The following ASCL5 variants were observed in gnomAD, a reference collection of about 807,000 sequenced individuals.
The protein encoded by ASCL5 is achaete-scute family bHLH transcription factor 5, also known as achaete-scute homolog 5.
For synonymous variants in ASCL5, 124 were observed against 131.5 expected (o/e 0.94, Z 0.39); for missense variants, 262 against 268.9 (o/e 0.97, Z 0.18).
At chr1:201,117,278 A>C (rs1014790954) in intron 1 of ASCL5, among the ~76,000 whole-genome samples, 4 of 152,128 alleles carry the variant, frequency 2.6e-5, no homozygotes, top group Admixed American at 2.6e-4. Context: ...TCTACTAAAA[A>C]TACAAAAACT....
At chr1:201,121,108 C>T (rs1447608134) in intron 1 of ASCL5, among the ~76,000 whole-genome samples, 1 of 152,220 alleles carries the variant, frequency 6.6e-6, no homozygotes, top group African/African-American at 2.4e-5. Flanking sequence ...CCTTGGATAC[C>T]CACATTAGCG....
chr1:201,116,321 G>A (rs1663348430), intron 1 of ASCL5, among the ~76,000 whole-genome samples: 1 of 152,134 alleles, frequency 6.6e-6, no homozygotes, highest in Admixed American at 6.5e-5. Flanking sequence ...AATGAGGGAA[G>A]CCAACTCTTT....
intron 1 of ASCL5, among the ~76,000 whole-genome samples, chr1:201,126,577 A>C (rs1026025024): frequency 6.6e-6 from 1 of 152,228 alleles, no homozygotes; most frequent in African/African-American, 2.4e-5. Flanking sequence ...TACCCATTTG[A>C]TTCTCACATA....
intron 1 of ASCL5, among the ~76,000 whole-genome samples, chr1:201,126,810 C>T (rs908469294): frequency 2.6e-5 from 4 of 152,234 alleles, no homozygotes; most frequent in Non-Finnish European, 5.9e-5. Flanking sequence ...AGACCCTTCA[C>T]GACGAGCAAG....
chr1:201,123,750 A>G (rs1302746493), intron 1 of ASCL5, among the ~76,000 whole-genome samples: 1 of 152,200 alleles, frequency 6.6e-6, no homozygotes, highest in Admixed American at 6.5e-5. Context: ...GAGGAGGAAG[A>G]GTCTATGGCT....
rs1347134782 is a variant in ASCL5, at chr1:201,115,402, G to A, written c.-30C>T. ...CCGCGTGGAGCTGGACCCAGAGCGA[G>A]GCCTCCACCGAATGGCCCCGGCTTG... On this transcript the variant is annotated 5_prime_UTR_variant, in exon 2 of 2. Coordinates refer to ENST00000449188, the MANE Select transcript of ASCL5 (RefSeq NM_001270601.2). 1.6e-6 allele frequency: 2 copies of A among 1,231,334 alleles called. No individual in the cohort carries two copies. Among genetic ancestry groups the A allele is most frequent in the African/African-American group, 3.1e-5 (2 of 64,410 alleles). The allele number at this position is 1,231,334 out of a possible 1,614,324, so 76.3% of individuals were successfully genotyped here.
At chr1:201,126,399 G>T (rs979801546) in intron 1 of ASCL5, among the ~76,000 whole-genome samples, 1 of 152,122 alleles carries the variant, frequency 6.6e-6, no homozygotes, top group Non-Finnish European at 1.5e-5. Flanking sequence ...ACTGTGTCCC[G>T]CCCTCCCTTA....
In ASCL5 at chr1:201,115,126, C is replaced by A; in HGVS notation, c.247G>T (p.Ala83Ser). Reference sequence around the variant, plus strand: ...CGCTCGTTGCGCTTCTGGATGAAGGCTGGCTCGAAGGGGTATTCGTAGACC... The same window carrying A: ...CGCTCGTTGCGCTTCTGGATGAAGGATGGCTCGAAGGGGTATTCGTAGACC... The part of the protein sequence containing the change: ...FGVYEYPFEP[A>S]FIQKRNERER... The change falls in exon 2 of 2, where the codon GCC becomes TCC. Residue 83 changes from alanine to serine, a missense_variant. Physicochemically the swap from Ala to Ser is moderately conservative, Grantham distance 99 (BLOSUM62 1). Transcript: ENST00000449188. 8.1e-7 allele frequency: 1 copy of A among 1,231,746 alleles called. No individual in the cohort carries two copies. 76.3% of individuals were successfully genotyped at this position (1,231,746 alleles called of 1,614,324 possible).
At chr1:201,125,196 T>G (rs1027283388) in intron 1 of ASCL5, among the ~76,000 whole-genome samples, 1 of 152,152 alleles carries the variant, frequency 6.6e-6, no homozygotes, top group African/African-American at 2.4e-5. Flanking sequence ...TACTGTGAAG[T>G]TCAAGGAGAT....
chr1:201,114,685 C>A lies in ASCL5; in HGVS notation c.*67G>T. 1 of 1,218,626 alleles carries A rather than the reference C, an allele frequency of 8.2e-7. No individual in the cohort carries two copies. The highest frequency in any genetic ancestry group is 4.1e-5 in the South Asian group (1 of 24,098). The allele number at this position is 1,218,626 out of a possible 1,614,324, so 75.5% of individuals were successfully genotyped here. A position where few individuals can be genotyped will look rare whatever the true frequency, so the allele number is the denominator to read the frequency against. On this transcript the variant is annotated 3_prime_UTR_variant, in exon 2 of 2. Transcript: ENST00000449188. ...CATCGCGGGTGACCCAACAGCCTCC[C>A]GCTGCTCCCGAAAGTGGGACGGGGC...
In ASCL5 at chr1:201,114,766, C is replaced by G; in HGVS notation, c.607G>C (p.Glu203Gln). The part of the protein sequence containing the change: ...FSPSPFLESE[E>Q]SWH ...CACAGGCCCGATCAATGCCAGGATT[C>G]CTCCGACTCCAAGAAAGGCGACGGG... Residue 203 changes from glutamate to glutamine, a missense_variant, in exon 2 of 2, where the codon GAA becomes CAA. Transcript: ENST00000449188. 8.1e-7 allele frequency: 1 copy of G among 1,231,240 alleles called. No individual in the cohort carries two copies. Among genetic ancestry groups the G allele is most frequent in the Non-Finnish European group, 1.0e-6 (1 of 987,616 alleles). 76.3% of individuals were successfully genotyped at this position (1,231,240 alleles called of 1,614,324 possible).
rs1558093759 is a variant in ASCL5, at chr1:201,114,689, G to C, written c.*63C>G. The C allele has an allele frequency of 8.2e-6, 10 of 1,221,006 alleles. No homozygotes were observed. The highest frequency in any genetic ancestry group is 1.0e-5 in the Non-Finnish European group (10 of 979,480). The allele number at this position is 1,221,006 out of a possible 1,614,324, so 75.6% of individuals were successfully genotyped here. On this transcript the variant is annotated 3_prime_UTR_variant, in exon 2 of 2. Transcript: ENST00000449188. ...GCGGGTGACCCAACAGCCTCCCGCT[G>C]CTCCCGAAAGTGGGACGGGGCCGGC...
chr1:201,118,193 T>C (rs1663382356), intron 1 of ASCL5, among the ~76,000 whole-genome samples: 1 of 152,206 alleles, frequency 6.6e-6, no homozygotes, highest in Non-Finnish European at 1.5e-5. Context: ...AGAAAAGAAC[T>C]GATAAGCCAG....
Position 201,118,487 on chromosome 1 carries a change from G to GAA in ASCL5, c.-505-2612_-505-2611dup, listed in dbSNP as rs1009162187. Among the ~76,000 whole-genome samples, 155 of 133,310 alleles carry GAA rather than the reference G, an allele frequency of 1.2e-3. 2 individuals are homozygous for GAA. The highest frequency in any genetic ancestry group is 1.4e-3 in the Non-Finnish European group (87 of 60,376). The allele number at this position is 133,310 out of a possible 152,430, so 87.5% of individuals were successfully genotyped here. ...GCAACAGAGCAAGACCCTGTCTCAA[G>GAA]AAAAAAAAAAAAAAAGAGAACTCAT... On this transcript the variant is annotated intron_variant, in intron 1 of 1. Coordinates refer to ENST00000449188, the MANE Select transcript of ASCL5 (RefSeq NM_001270601.2).
intron 1 of ASCL5, among the ~76,000 whole-genome samples, chr1:201,125,474 C>T (rs1663562310): frequency 2.0e-5 from 3 of 152,226 alleles, no homozygotes; most frequent in Admixed American, 2.0e-4. Context: ...TTCCACTCAT[C>T]CAACTCCTAC....
At chr1:201,121,160 G>T (rs1423539041) in intron 1 of ASCL5, among the ~76,000 whole-genome samples, 3 of 152,220 alleles carry the variant, frequency 2.0e-5, no homozygotes, top group African/African-American at 7.2e-5. Context: ...GCCCTGGGAA[G>T]CCCTGCAGGT....
chr1:201,124,556 GA>G (rs71725189), intron 1 of ASCL5, among the ~76,000 whole-genome samples: 33,208 of 152,030 alleles, frequency 0.22, 4,468 homozygotes, highest in African/African-American at 0.38. Flanking sequence ...TTTCATGGGG[GA>G]AAAAAAGCCC....
chr1:201,118,462 G>A (rs973002823), intron 1 of ASCL5, among the ~76,000 whole-genome samples: 18 of 149,308 alleles, frequency 1.2e-4, no homozygotes, highest in African/African-American at 2.3e-4. Context: ...TCCAGCCTGG[G>A]CAACAGAGCA....
At chr1:201,119,726 C>T (rs1663411905) in intron 1 of ASCL5, among the ~76,000 whole-genome samples, 1 of 152,068 alleles carries the variant, frequency 6.6e-6, no homozygotes, top group African/African-American at 2.4e-5. Flanking sequence ...ATAGCAGTTG[C>T]ATCAGCATTA....
Sources: gnomAD v4.1 joint callset for allele counts (sites outside exome capture counted in the v4.1 genomes callset) on GRCh38, gnomAD v4.1.1 for gene constraint, MANE v1.5 for transcripts, NCBI Gene and HGNC (gene_info 2026-07-23, HGNC 2026-07-21) for gene names.